The following ADAM29 variants were observed in gnomAD, a reference collection of about 807,000 sequenced individuals.
ADAM29 encodes the protein ADAM metallopeptidase domain 29.
For synonymous variants in ADAM29, 367 were observed against 342.3 expected (o/e 1.07, Z -0.80); for missense variants, 969 against 1,001.8 (o/e 0.97, Z 0.44).
intron 2 of ADAM29, among the ~76,000 whole-genome samples, chr4:174,929,507 A>G (rs1743719175): frequency 6.6e-6 from 1 of 152,102 alleles, no homozygotes; most frequent in African/African-American, 2.4e-5. Flanking sequence ...CCACAAAGGC[A>G]GAGTCCCTGC....
chr4:174,968,243 C>A (rs867822051), intron 4 of ADAM29, among the ~76,000 whole-genome samples: 2 of 152,104 alleles, frequency 1.3e-5, no homozygotes, highest in Non-Finnish European at 2.9e-5. Context: ...CAATTGCACA[C>A]ACCTTTATAA....
rs78383254 is a variant in ADAM29, at chr4:174,966,328, T to C, written c.-180-9018T>C. 8.1e-4 allele frequency among the ~76,000 whole-genome samples: 124 copies of C among 152,322 alleles called. 1 individual carries two copies. In the East Asian group the frequency reaches 0.021, roughly 26 times the overall value. On this transcript the variant is annotated intron_variant, in intron 4 of 4. Coordinates refer to ENST00000359240, the MANE Select transcript of ADAM29 (RefSeq NM_014269.4). ...TAACAGCCGCATGAGCCTTAATTCA[T>C]TTCAGCATCAACTCTGAAGTCTAAA...
intron 4 of ADAM29, among the ~76,000 whole-genome samples, chr4:174,974,119 C>G (rs1746618283): frequency 6.6e-6 from 1 of 152,192 alleles, no homozygotes; most frequent in Non-Finnish European, 1.5e-5. Context: ...TTTGGTGGGC[C>G]TGCCAAGTCT....
intron 4 of ADAM29, among the ~76,000 whole-genome samples, chr4:174,962,225 T>C (rs1745863878): frequency 6.6e-6 from 1 of 152,102 alleles, no homozygotes; most frequent in African/African-American, 2.4e-5. Flanking sequence ...AGATTTACAG[T>C]TAGAGGCCTG....
intron 1 of ADAM29, among the ~76,000 whole-genome samples, chr4:174,920,160 G>A (rs1560854807): frequency 6.6e-6 from 1 of 152,032 alleles, no homozygotes; most frequent in Non-Finnish European, 1.5e-5. Context: ...CAACAAACCA[G>A]TATCATGCAA....
chr4:174,961,159 G>T (rs1341032865), intron 4 of ADAM29, among the ~76,000 whole-genome samples: 2 of 151,776 alleles, frequency 1.3e-5, no homozygotes, highest in African/African-American at 4.8e-5. Flanking sequence ...TAAATTTGTT[G>T]TAATATTGTC....
chr4:174,919,761 A>T (rs1336329577), intron 1 of ADAM29, among the ~76,000 whole-genome samples: 2 of 152,172 alleles, frequency 1.3e-5, no homozygotes, highest in African/African-American at 2.4e-5. Flanking sequence ...GTCAAAGTCA[A>T]CTAATTAGAG....
rs567833012 is a variant in ADAM29, at chr4:174,919,686, T to G, written c.-556-1001T>G. On this transcript the variant is annotated intron_variant, in intron 1 of 4. Transcript: ENST00000359240. ...GTTTCTCTTTAAGGCTAGCTAGAGA[T>G]TCTTTTGCTTTTATGGCTTTCACCT... 1.2e-4 allele frequency among the ~76,000 whole-genome samples: 19 copies of G among 152,330 alleles called. No homozygotes were observed. In the South Asian group the frequency reaches 1.4e-3, roughly 12 times the overall value.
rs70947474 is a variant in ADAM29 at position 174,928,569 on chromosome 4, T to TAAAAAAAAAAAAAAAA, written c.-450-2405_-450-2404insAAAAAAAAAAAAAAAA. Among the ~76,000 whole-genome samples the TAAAAAAAAAAAAAAAA allele has an allele frequency of 3.0e-5, 4 of 131,836 alleles. 1 individual carries two copies. The highest frequency in any genetic ancestry group is 3.2e-5 in the Non-Finnish European group (2 of 63,184). The allele number at this position is 131,836 out of a possible 152,430, so 86.5% of individuals were successfully genotyped here. On this transcript the variant is annotated intron_variant, in intron 2 of 4. Transcript: ENST00000359240. ...CTCTACAAATTCCCTGTCATGTGCTTAAAAAAAAAAAAGACACCAGCCAGA... is the reference window on the plus strand; with the variant it reads ...CTCTACAAATTCCCTGTCATGTGCTTAAAAAAAAAAAAAAAAAAAAAAAAAAAAGACACCAGCCAGA...
At chr4:174,939,941 C>T (rs962226730) in intron 4 of ADAM29, among the ~76,000 whole-genome samples, 11 of 151,840 alleles carry the variant, frequency 7.2e-5, no homozygotes, top group African/African-American at 2.7e-4. Context: ...TTCCTTCTAC[C>T]CTCCCTCCCT....
chr4:174,946,772 G>A (rs962821963), intron 4 of ADAM29, among the ~76,000 whole-genome samples: 3 of 152,118 alleles, frequency 2.0e-5, no homozygotes, highest in Non-Finnish European at 4.4e-5. Flanking sequence ...GAATGAGTTA[G>A]GGTGGAGTCT....
At chr4:174,959,129 CT>C (rs971653376) in intron 4 of ADAM29, among the ~76,000 whole-genome samples, 2 of 151,654 alleles carry the variant, frequency 1.3e-5, no homozygotes, top group East Asian at 3.9e-4. Context: ...TCCGGAAAAA[CT>C]TTTTTTAACA....
chr4:174,929,103 A>G (rs1158493130), intron 2 of ADAM29, among the ~76,000 whole-genome samples: 1 of 152,040 alleles, frequency 6.6e-6, no homozygotes, highest in Non-Finnish European at 1.5e-5. Flanking sequence ...GCTAATTTGC[A>G]CTTTCTTGTT....
intron 4 of ADAM29, 41 bp downstream of exon 4, chr4:174,937,054 G>T (rs1326514603): frequency 6.6e-6 from 1 of 151,902 alleles, no homozygotes; most frequent in Non-Finnish European, 1.5e-5. Flanking sequence ...GTACAAGGGG[G>T]TTTTAATTTC....
chr4:174,973,236 C>T (rs147688362), intron 4 of ADAM29, among the ~76,000 whole-genome samples: 8 of 152,232 alleles, frequency 5.3e-5, no homozygotes, highest in South Asian at 2.1e-4. Context: ...AGACGTAATT[C>T]GTGTATAAAG....
At chr4:174,971,659 T>C (rs1239815125) in intron 4 of ADAM29, among the ~76,000 whole-genome samples, 1 of 152,206 alleles carries the variant, frequency 6.6e-6, no homozygotes, top group Non-Finnish European at 1.5e-5. Flanking sequence ...TACAATGTGA[T>C]TACAATGTGT....
intron 4 of ADAM29, among the ~76,000 whole-genome samples, chr4:174,943,954 A>G (rs977815032): frequency 6.6e-6 from 1 of 152,076 alleles, no homozygotes; most frequent in African/African-American, 2.4e-5. Flanking sequence ...AATTGCCCCC[A>G]TCTTTGTACA....
intron 4 of ADAM29, among the ~76,000 whole-genome samples, chr4:174,966,062 T>A (rs1746142166): frequency 6.6e-6 from 1 of 152,238 alleles, no homozygotes; most frequent in Non-Finnish European, 1.5e-5. Flanking sequence ...ATATAACTTG[T>A]GCATGTCCTT....
At position 174,977,771 on chromosome 4, in the gene ADAM29, A is replaced by G; in HGVS notation, c.2246A>G (p.Gln749Arg). The G allele has an allele frequency of 6.2e-7, 1 of 1,602,940 alleles. No homozygotes were observed. Among genetic ancestry groups the G allele is most frequent in the Non-Finnish European group, 8.5e-7 (1 of 1,171,010 alleles). The change falls in exon 5 of 5, where the codon CAG (glutamine) becomes CGG (arginine). Residue 749 changes from glutamine (Q) to arginine (R), a missense_variant. Physicochemically the swap from Gln to Arg is conservative, Grantham distance 43. Coordinates refer to ENST00000359240, the MANE Select transcript of ADAM29 (RefSeq NM_014269.4). ...AGTCAACCTCCTGTGACGCCTTCCC[A>G]GAGTCATCCTCAGGTGATGCCTTCC... Reference protein sequence around the residue: ...SQSQPPVTPSQSHPQVMPSQS... With the variant: ...SQSQPPVTPSRSHPQVMPSQS...
Sources: allele counts gnomAD v4.1 joint callset (sites outside exome capture counted in the v4.1 genomes callset), GRCh38; gene constraint gnomAD v4.1.1; transcripts MANE v1.5; gene names NCBI Gene and HGNC (gene_info 2026-07-23, HGNC 2026-07-21).